DNAAF11: variants seen among roughly 807,000 people sequenced by gnomAD.
The protein encoded by DNAAF11 is dynein axonemal assembly factor 11, also known as leucine rich repeat containing 6.
In DNAAF11, 45 loss-of-function variants were observed where a neutral mutation model predicts 60.8. That is an observed-to-expected ratio of 0.74 (90% CI 0.58 to 0.95). The LOEUF (loss-of-function observed/expected upper bound fraction) is 0.95. Ranked by LOEUF, DNAAF11 falls within the 40% of genes least tolerant of loss-of-function variation. DNAAF11 has a pLI of 0.00. For synonymous variants in DNAAF11, 191 were observed against 183.5 expected (o/e 1.04, Z -0.33); for missense variants, 546 against 546.2 (o/e 1.00, Z 0.00).
chr8:132,653,405 T>A (rs1823224288), intron 3 of DNAAF11, among the ~76,000 whole-genome samples: 1 of 152,018 alleles, frequency 6.6e-6, no homozygotes, highest in Non-Finnish European at 1.5e-5. Context: ...TTTTTTAGGC[T>A]GAAATGAAAA....
At chr8:132,625,579 C>T (rs912332219) in intron 5 of DNAAF11, 125 bp from the exon 6 acceptor site, 1 of 736,328 alleles carries the variant, frequency 1.4e-6, no homozygotes, top group African/African-American at 1.8e-5. Context: ...GACAAAGTGA[C>T]TCTGAAAGAC....
intron 4 of DNAAF11, 134 bp from the exon 5 acceptor site, chr8:132,633,097 T>C: frequency 1.7e-6 from 1 of 594,064 alleles, no homozygotes. Flanking sequence ...TAATGGGAAA[T>C]ATCAGAACAT....
intron 3 of DNAAF11, 138 bp downstream of exon 3, chr8:132,656,692 G>A (rs549150726): frequency 5.9e-5 from 29 of 489,090 alleles, no homozygotes; most frequent in African/African-American, 3.9e-4. Context: ...GGCTGGTCTC[G>A]AACTCCTGAC....
At chr8:132,695,092 C>T in the DNAAF11 span, among the ~76,000 whole-genome samples, 88 of 152,218 alleles carry the variant, frequency 5.8e-4, 3 homozygotes, top group African/African-American at 2.1e-3. Flanking sequence ...AGGTTGTTGA[C>T]GTCTTTAACA....
At chr8:132,696,305 G>C in the DNAAF11 span, among the ~76,000 whole-genome samples, 707 of 152,306 alleles carry the variant, frequency 4.6e-3, 5 homozygotes, top group African/African-American at 0.016. Context: ...AAGCATTGGA[G>C]AGGATGTGGA....
intron 1 of DNAAF11, among the ~76,000 whole-genome samples, chr8:132,674,187 G>GAGA: frequency 1.4e-5 from 2 of 143,976 alleles, no homozygotes; most frequent in African/African-American, 5.4e-5. Flanking sequence ...GGAGAAGGAG[G>GAGA]AGGAGGAGAA....
the DNAAF11 span, among the ~76,000 whole-genome samples, chr8:132,702,698 C>T: frequency 9.2e-5 from 14 of 152,200 alleles, no homozygotes; most frequent in East Asian, 1.9e-4. Flanking sequence ...AAAAGTTAGA[C>T]GAATTAGGTA....
In DNAAF11 at chr8:132,632,825, T is replaced by C; in HGVS notation, c.568A>G (p.Lys190Glu). 1 of 1,614,012 alleles carries C rather than the reference T, an allele frequency of 6.2e-7. No individual in the cohort carries two copies. The highest frequency in any genetic ancestry group is 8.5e-7 in the Non-Finnish European group (1 of 1,179,912). The change falls in exon 5 of 12, where the codon AAA becomes GAA. Residue 190 changes from lysine to glutamate, a missense_variant. Transcript: ENST00000620350. ...TCATTTTTATCCTCTTCTTGGTGTT[T>C]CCTCTGAGCCTCTTCCTTGAGTTTG... Reference protein sequence around the residue: ...RAKLKEEAQRKHQEEDKNEDK... With the variant: ...RAKLKEEAQREHQEEDKNEDK...
In DNAAF11 at chr8:132,661,575, A is replaced by G; in HGVS notation, c.63T>C (p.Phe21=). 1.9e-6 allele frequency: 3 copies of G among 1,614,184 alleles called. No homozygotes were observed. The highest frequency in any genetic ancestry group is 1.7e-6 in the Non-Finnish European group (2 of 1,180,016). The part of the protein sequence containing the change: ...RNAEHNDCVI[F]SLEELSLHQQ... ...GATGCAACGAGAGTTCCTCCAGGGA[A>G]AAAATGACACAGTCGTTGTGTTCAG... The change falls in exon 2 of 12, where the codon TTT becomes TTC. Residue 21 remains phenylalanine, a synonymous_variant. Coordinates refer to ENST00000620350, the MANE Select transcript of DNAAF11 (RefSeq NM_012472.6).
intron 1 of DNAAF11, 180 bp downstream of exon 1, chr8:132,675,304 A>C (rs2130923117): frequency 1.7e-6 from 1 of 584,026 alleles, no homozygotes; most frequent in Non-Finnish European, 3.0e-6. Context: ...CTGTCCGGCC[A>C]GTCTGCAGAG....
chr8:132,599,148 C>G (rs950907325), intron 10 of DNAAF11, among the ~76,000 whole-genome samples: 1 of 152,148 alleles, frequency 6.6e-6, no homozygotes, highest in Non-Finnish European at 1.5e-5. Context: ...ATAAACACCT[C>G]TACGCAAATA....
At chr8:132,612,159 T>C (rs1175125373) in intron 8 of DNAAF11, among the ~76,000 whole-genome samples, 1 of 152,146 alleles carries the variant, frequency 6.6e-6, no homozygotes, top group Non-Finnish European at 1.5e-5. Context: ...ACCACATTCC[T>C]TAACCTCTCT....
intron 10 of DNAAF11, among the ~76,000 whole-genome samples, chr8:132,591,691 T>A (rs1294304158): frequency 6.6e-6 from 1 of 152,088 alleles, no homozygotes; most frequent in African/African-American, 2.4e-5. Flanking sequence ...GTAAACTCCA[T>A]GAGGACAGGA....
chr8:132,651,740 C>T (rs561162535), intron 3 of DNAAF11, among the ~76,000 whole-genome samples: 16 of 152,154 alleles, frequency 1.1e-4, no homozygotes, highest in Non-Finnish European at 1.9e-4. Context: ...AGCCAAGAGT[C>T]CCAGTTTTAA....
At chr8:132,697,016 A>T in the DNAAF11 span, among the ~76,000 whole-genome samples, 1 of 152,222 alleles carries the variant, frequency 6.6e-6, no homozygotes, top group Non-Finnish European at 1.5e-5. Context: ...CTATGTAACA[A>T]ACCTGCACAT....
chr8:132,677,837 C>A (rs1031271726), upstream of DNAAF11, among the ~76,000 whole-genome samples: 5 of 152,136 alleles, frequency 3.3e-5, no homozygotes, highest in African/African-American at 1.2e-4. Flanking sequence ...AGGAAAGGAG[C>A]CCTCTGTCCT....
intron 4 of DNAAF11, among the ~76,000 whole-genome samples, chr8:132,633,713 A>G (rs1821028671): frequency 6.6e-6 from 1 of 152,186 alleles, no homozygotes; most frequent in African/African-American, 2.4e-5. Context: ...GATGATTCTT[A>G]TAAGGACCAC....
upstream of DNAAF11, among the ~76,000 whole-genome samples, chr8:132,680,033 T>A (rs1825842651): frequency 6.6e-6 from 1 of 152,206 alleles, no homozygotes; most frequent in Non-Finnish European, 1.5e-5. Flanking sequence ...TTATGATGTG[T>A]CCTTCCTCAA....
chr8:132,578,038 T>C (rs1299853094), intron 11 of DNAAF11, among the ~76,000 whole-genome samples: 1 of 152,018 alleles, frequency 6.6e-6, no homozygotes, highest in Admixed American at 6.6e-5. Context: ...TTATAGTCAT[T>C]ATAAATAAAG....
Sources: gnomAD v4.1 joint callset for allele counts (sites outside exome capture counted in the v4.1 genomes callset) on GRCh38, gnomAD v4.1.1 for gene constraint, MANE v1.5 for transcripts, NCBI Gene and HGNC (gene_info 2026-07-23, HGNC 2026-07-21) for gene names.